The following SRRM3 variants were observed in gnomAD, a reference collection of about 807,000 sequenced individuals.
SRRM3 encodes serine/arginine repetitive matrix 3.
SRRM3 carries 27 observed loss-of-function variants against 66.2 expected under a neutral mutation model. The ratio of observed to expected loss-of-function variants is 0.41; its 90% CI spans 0.30 to 0.56. SRRM3 has a LOEUF of 0.56. Among genes scored for constraint, SRRM3 ranks in the 20% least tolerant of loss-of-function variants. The pLI is 0.32. For synonymous variants in SRRM3, 391 were observed against 414.9 expected, an observed-to-expected ratio of 0.94 and a Z score of 0.70; for missense variants, 918 against 991.9, an observed-to-expected ratio of 0.93 and a Z score of 1.00.
At position 76,282,714 on chromosome 7, in the gene SRRM3, G is replaced by C; in HGVS notation, c.1437G>C (p.Arg479=). The C allele has an allele frequency of 2.1e-6, 3 of 1,425,446 alleles. No individual in the cohort carries two copies. Among genetic ancestry groups the C allele is most frequent in the Non-Finnish European group, 2.7e-6 (3 of 1,096,102 alleles). The allele number at this position is 1,425,446 out of a possible 1,614,324, so 88.3% of individuals were successfully genotyped here. A position where few individuals can be genotyped will look rare whatever the true frequency, so the allele number is the denominator to read the frequency against. ...STSPSPGAHG[R]RGGPEGKSSS... is the part of the protein sequence containing the mutation. ...CTCCGTCCCCGGGCGCGCACGGCCG[G>C]CGCGGCGGCCCAGAAGGGAAGAGCT... The change falls in exon 13 of 15, where the codon CGG becomes CGC. Residue 479 remains arginine, a synonymous_variant. Transcript: ENST00000611745.
chr7:76,215,139 A>T (rs1438703307), intron 1 of SRRM3, among the ~76,000 whole-genome samples: 1 of 151,906 alleles, frequency 6.6e-6, no homozygotes, highest in Non-Finnish European at 1.5e-5. Context: ...TGCATTATTT[A>T]GTCAATTACA....
chr7:76,215,942 T>C (rs1354065622), intron 1 of SRRM3, among the ~76,000 whole-genome samples: 8 of 150,898 alleles, frequency 5.3e-5, no homozygotes, highest in Non-Finnish European at 1.0e-4. Context: ...GGACTACAGG[T>C]GCCCACCACC....
chr7:76,233,170 G>T (rs990036857), intron 1 of SRRM3, among the ~76,000 whole-genome samples: 21 of 152,186 alleles, frequency 1.4e-4, no homozygotes, highest in African/African-American at 5.1e-4. Context: ...AATTAGCTGG[G>T]TATGGTGGCA....
chr7:76,213,071 G>A (rs1049867462), intron 1 of SRRM3, among the ~76,000 whole-genome samples: 3 of 136,164 alleles, frequency 2.2e-5, no homozygotes, highest in Admixed American at 8.4e-5. Flanking sequence ...GTGCAATGGC[G>A]TGATCTCAGC....
intron 1 of SRRM3, among the ~76,000 whole-genome samples, chr7:76,216,893 G>A (rs908134452): frequency 6.6e-6 from 1 of 152,214 alleles, no homozygotes; most frequent in Non-Finnish European, 1.5e-5. Flanking sequence ...CCCCCAGCCC[G>A]ACTCTCTCTT....
chr7:76,285,784 TC>T lies in SRRM3; in HGVS notation c.1904del (p.Ser635Ter). 6.4e-7 allele frequency: 1 copy of T among 1,550,718 alleles called. No homozygotes were observed. Among genetic ancestry groups the T allele is most frequent in the Non-Finnish European group, 8.7e-7 (1 of 1,147,168 alleles). On this transcript the variant is annotated frameshift_variant, in exon 15 of 15. Coordinates refer to ENST00000611745, the MANE Select transcript of SRRM3 (RefSeq NM_001110199.3). LOFTEE classifies it high-confidence loss of function. The surrounding 1 kb of genome is among the most constrained non-coding windows in gnomAD (Gnocchi z 4.1). ...GACCCGCAGCCGGACACGCAGCCCC[TC>T]GAGGACCCCCAGTCCCAGCTACCAC... ...HGTRSRTRSPSRTPSPSYHSR... is the reference protein window; with the variant it reads ...HGTRSRTRSPXRTPSPSYHSR...
chr7:76,269,193 C>T (rs1226028205), intron 11 of SRRM3: 3 of 152,286 alleles, frequency 2.0e-5, no homozygotes, highest in Admixed American at 1.3e-4. Context: ...GAAGCACCCA[C>T]ATCTTGTCTC....
intron 3 of SRRM3, among the ~76,000 whole-genome samples, chr7:76,253,626 A>C (rs149301987): frequency 9.2e-5 from 14 of 151,652 alleles, no homozygotes; most frequent in African/African-American, 3.4e-4. Flanking sequence ...GTCTCAAAAA[A>C]ATTAAAAAAA....
At chr7:76,203,636 C>G (rs573407353) in intron 1 of SRRM3, among the ~76,000 whole-genome samples, 1 of 152,310 alleles carries the variant, frequency 6.6e-6, no homozygotes, top group African/African-American at 2.4e-5. Context: ...ATGCCCAGCT[C>G]CATGCTGGGC....
intron 14 of SRRM3, chr7:76,283,695 G>A (rs77220605): frequency 0.022 from 19,493 of 896,072 alleles, 1,137 homozygotes; most frequent in African/African-American, 0.16. Context: ...ACAGCAGTCT[G>A]GTCTCTGGGG....
intron 11 of SRRM3, among the ~76,000 whole-genome samples, chr7:76,277,707 AAAC>A (rs1802383289): frequency 1.5e-5 from 2 of 131,030 alleles, no homozygotes; most frequent in Admixed American, 7.8e-5. Context: ...CAAAACAAAT[AAAC>A]AACAACAAAA....
In SRRM3 at chr7:76,267,389, G is replaced by A. The variant is rs1554609901; in HGVS notation, c.962G>A (p.Ser321Asn). 2 of 1,419,628 alleles carry A rather than the reference G, an allele frequency of 1.4e-6. No homozygotes were observed. Among genetic ancestry groups the A allele is most frequent in the Admixed American group, 3.6e-5 (1 of 27,858 alleles). The allele number at this position is 1,419,628 out of a possible 1,614,324, so 87.9% of individuals were successfully genotyped here. Residue 321 changes from serine (S) to asparagine (N), a missense_variant, in exon 11 of 15, where the codon AGC becomes AAC. Coordinates refer to ENST00000611745, the MANE Select transcript of SRRM3 (RefSeq NM_001110199.3). Reference sequence around the variant, plus strand: ...CGGAACGGCGGCAGCGGGCAGCGGAGCGGAGCGCACGGGGGCCGCCCCGGC... The same window carrying A: ...CGGAACGGCGGCAGCGGGCAGCGGAACGGAGCGCACGGGGGCCGCCCCGGC... Reference protein sequence around the residue: ...PQRNGGSGQRSGAHGGRPGSA... With the variant: ...PQRNGGSGQRNGAHGGRPGSA...
chr7:76,203,393 A>C (rs1800208953), intron 1 of SRRM3, among the ~76,000 whole-genome samples: 1 of 152,194 alleles, frequency 6.6e-6, no homozygotes, highest in Admixed American at 6.5e-5. Context: ...GTCTGTTTTC[A>C]ATCTGTAAAA....
Position 76,216,496 on chromosome 7 carries a change from C to A in SRRM3, c.-40+14429C>A, listed in dbSNP as rs1024419053. ...GAGTCCTTGAGGGTCCCTTCCTTCT[C>A]TGAGCCTTGATTTCTTCAATGGCGA... is the stretch of plus-strand genomic sequence containing the variant. On this transcript the variant is annotated intron_variant, in intron 1 of 14. Transcript: ENST00000611745. Among the ~76,000 whole-genome samples, 15 of 152,346 alleles carry A rather than the reference C, an allele frequency of 9.8e-5. 1 individual carries two copies. The highest frequency in any genetic ancestry group is 8.3e-4 in the South Asian group (4 of 4,832).
At chr7:76,242,529 G>A (rs181399161) in intron 2 of SRRM3, among the ~76,000 whole-genome samples, 2 of 151,916 alleles carry the variant, frequency 1.3e-5, no homozygotes, top group Non-Finnish European at 2.9e-5. Context: ...GCGGGGTGGT[G>A]GGGGGATGGT....
intron 2 of SRRM3, among the ~76,000 whole-genome samples, 161 bp downstream of exon 2, chr7:76,235,460 G>A (rs1208888857): frequency 6.6e-6 from 1 of 152,178 alleles, no homozygotes; most frequent in Non-Finnish European, 1.5e-5. Flanking sequence ...GAACCCAAGA[G>A]CCTTGTCCAG....
chr7:76,219,453 C>T (rs1800658557), intron 1 of SRRM3, among the ~76,000 whole-genome samples: 1 of 152,212 alleles, frequency 6.6e-6, no homozygotes, highest in African/African-American at 2.4e-5. Context: ...ATGCTCCAGC[C>T]CCCAGCCGGC....
chr7:76,248,394 G>C lies in SRRM3; in HGVS notation c.335+105G>C, dbSNP rs546977319. On this transcript the variant is annotated intron_variant, in intron 3 of 14. Transcript: ENST00000611745. Reference sequence around the variant, plus strand: ...GGTGGCTTGGTCTGGTTGGGGCTCAGGTGAGGGGGTGGAGAGGAAGAAGAT... The same window carrying C: ...GGTGGCTTGGTCTGGTTGGGGCTCACGTGAGGGGGTGGAGAGGAAGAAGAT... The C allele has an allele frequency of 5.2e-4, 378 of 732,132 alleles. 5 individuals are homozygous for C. The highest frequency in any genetic ancestry group is 5.0e-3 in the South Asian group (308 of 61,072). 45.4% of individuals were successfully genotyped at this position (732,132 alleles called of 1,614,324 possible). A position where few individuals can be genotyped will look rare whatever the true frequency, so the allele number is the denominator to read the frequency against.
intron 3 of SRRM3, among the ~76,000 whole-genome samples, chr7:76,254,935 G>C (rs1451361523): frequency 6.6e-6 from 1 of 151,938 alleles, no homozygotes; most frequent in Admixed American, 6.6e-5. Flanking sequence ...GGGGGTGTTT[G>C]GCTCTGTACA....
Sources: gnomAD v4.1 joint callset for allele counts (sites outside exome capture counted in the v4.1 genomes callset) on GRCh38, gnomAD v4.1.1 for gene constraint, Gnocchi (gnomAD v3.1) non-coding constraint, MANE v1.5 for transcripts, NCBI Gene and HGNC (gene_info 2026-07-23, HGNC 2026-07-21) for gene names.